Variants in IL22 observed in about 807,000 individuals in gnomAD.
IL22 encodes the protein interleukin 22.
Under a neutral mutation model 15.5 loss-of-function variants are expected in IL22, and 15 were observed. That is an observed-to-expected ratio of 0.97 (90% CI 0.65 to 1.49). The LOEUF is 1.49. Among genes scored for constraint, IL22 ranks in the 40% most tolerant of loss-of-function variants. The pLI is 0.00. For synonymous variants in IL22, 91 were observed against 82.0 expected (o/e 1.11, Z -0.60); for missense variants, 225 against 215.4 (o/e 1.04, Z -0.28).
At chr12:68,253,029 G>A (rs1374848555) in intron 2 of IL22, among the ~76,000 whole-genome samples, 200 bp from the exon 3 acceptor site, 1 of 151,052 alleles carries the variant, frequency 6.6e-6, no homozygotes, top group African/African-American at 2.4e-5. Flanking sequence ...CTGAATGGCC[G>A]CTCTTTGGGA....
intron 3 of IL22, 36 bp from the exon 4 acceptor site, chr12:68,252,683 G>A (rs753863096): frequency 2.5e-6 from 4 of 1,613,100 alleles, no homozygotes; most frequent in Non-Finnish European, 2.5e-6. Context: ...GGTCATAAGG[G>A]ATAAGACCTA....
At chr12:68,248,942 G>C in intron 5 of IL22, 66 bp from the exon 6 acceptor site, 1 of 1,280,750 alleles carries the variant, frequency 7.8e-7, no homozygotes, top group South Asian at 1.2e-5. Flanking sequence ...GAACAAATTA[G>C]AAATTGCAAG....
At chr12:68,248,932 G>A in intron 5 of IL22, 56 bp from the exon 6 acceptor site, 2 of 1,384,340 alleles carry the variant, frequency 1.4e-6, no homozygotes, top group Non-Finnish European at 2.0e-6. Flanking sequence ...TTTCTAAAGT[G>A]AACAAATTAG....
In IL22 at chr12:68,253,326, C is replaced by A. The variant is rs1475955578; in HGVS notation, c.123G>T (p.Arg41Ser). The A allele has an allele frequency of 6.2e-7, 1 of 1,613,798 alleles. No individual in the cohort carries two copies. Among genetic ancestry groups the A allele is most frequent in the South Asian group, 1.1e-5 (1 of 91,044 alleles). ...GCTGCTGGAAGTTGGACTTGTCAAGCCTGCAGTGGGAGCTGATGGGCGCAG... is the reference window on the plus strand; with the variant it reads ...GCTGCTGGAAGTTGGACTTGTCAAGACTGCAGTGGGAGCTGATGGGCGCAG... Reference protein sequence around the residue: ...GAAAPISSHCRLDKSNFQQPY... With the variant: ...GAAAPISSHCSLDKSNFQQPY... The change falls in exon 2 of 6, where the codon AGG becomes AGT. Residue 41 changes from arginine (R) to serine (S), a missense_variant. Coordinates refer to ENST00000538666, the MANE Select transcript of IL22 (RefSeq NM_020525.5).
Position 68,252,898 on chromosome 12 carries a change from G to T in IL22, c.187-69C>A, listed in dbSNP as rs924379733. On this transcript the variant is annotated intron_variant, in intron 2 of 5. Transcript: ENST00000538666. ...AGAAAAAAAATTTATACATAGACATGTGCCCCATCCCGTCTCCCCAGAGCA... is the reference window on the plus strand; with the variant it reads ...AGAAAAAAAATTTATACATAGACATTTGCCCCATCCCGTCTCCCCAGAGCA... 8.3e-6 allele frequency: 10 copies of T among 1,206,914 alleles called. No individual in the cohort carries two copies. In the African/African-American group the frequency reaches 1.5e-4, roughly 18 times the overall value. 74.8% of individuals were successfully genotyped at this position (1,206,914 alleles called of 1,614,324 possible). A position where few individuals can be genotyped will look rare whatever the true frequency, so the allele number is the denominator to read the frequency against.
intron 4 of IL22, 64 bp from the exon 5 acceptor site, chr12:68,251,642 C>G: frequency 8.6e-7 from 1 of 1,163,940 alleles, no homozygotes; most frequent in East Asian, 2.3e-5. Context: ...ACCTCCACAC[C>G]CATGGAGGTA....
chr12:68,251,884 C>G (rs1201999060), intron 4 of IL22, among the ~76,000 whole-genome samples: 1 of 152,194 alleles, frequency 6.6e-6, no homozygotes, highest in East Asian at 1.9e-4. Flanking sequence ...TCAATCGTAT[C>G]TCCAGAAAAT....
intron 5 of IL22, among the ~76,000 whole-genome samples, chr12:68,251,036 T>A (rs1426851271): frequency 6.6e-6 from 1 of 152,214 alleles, no homozygotes. Flanking sequence ...TTCTTCCAAG[T>A]TTCAAAGCAA....
rs994219995 is a variant in IL22, at chr12:68,253,302, C to A, written c.147G>T (p.Gln49His). Residue 49 changes from glutamine (Q) to histidine (H), a missense_variant, in exon 2 of 6, where the codon CAG becomes CAT. Gln to His is a conservative substitution (Grantham distance 24, BLOSUM62 0). Coordinates refer to ENST00000538666, the MANE Select transcript of IL22 (RefSeq NM_020525.5). ...TGAAGGTGCGGTTGGTGATATAGGG[C>A]TGCTGGAAGTTGGACTTGTCAAGCC... ...HCRLDKSNFQ[Q>H]PYITNRTFML... is the part of the protein sequence containing the mutation. 1.2e-6 allele frequency: 2 copies of A among 1,613,698 alleles called. No homozygotes were observed. Among genetic ancestry groups the A allele is most frequent in the Admixed American group, 1.7e-5 (1 of 59,984 alleles).
intron 5 of IL22, among the ~76,000 whole-genome samples, chr12:68,251,291 A>G (rs1324358778): frequency 6.6e-6 from 1 of 152,170 alleles, no homozygotes; most frequent in East Asian, 1.9e-4. Flanking sequence ...GTGACTAGAC[A>G]AGCTAAGATC....
intron 4 of IL22, among the ~76,000 whole-genome samples, chr12:68,251,908 C>T (rs752480763): frequency 2.6e-5 from 4 of 152,178 alleles, no homozygotes; most frequent in Non-Finnish European, 5.9e-5. Context: ...ATGCTTAGAA[C>T]AAGAAATGTA....
intron 1 of IL22, 22 bp downstream of exon 1, chr12:68,253,561 C>T (rs1870017422): frequency 1.5e-5 from 12 of 776,674 alleles, no homozygotes; most frequent in Non-Finnish European, 2.4e-5. Context: ...ACCAATTGTA[C>T]CAAGTTTGCC....
At position 68,253,342 on chromosome 12, in the gene IL22, A is replaced by T; in HGVS notation, c.107T>A (p.Ile36Asn). ...CTTGTCAAGCCTGCAGTGGGAGCTG[A>T]TGGGCGCAGCTGCTCCTCCCTGTAC... ...LLVQGGAAAP[I>N]SSHCRLDKSN... Residue 36 changes from isoleucine to asparagine, a missense_variant, in exon 2 of 6, where the codon ATC (isoleucine) becomes AAC (asparagine). Physicochemically the swap from Ile to Asn is moderately radical, Grantham distance 149. Coordinates refer to ENST00000538666, the MANE Select transcript of IL22 (RefSeq NM_020525.5). The T allele has an allele frequency of 1.2e-6, 2 of 1,613,796 alleles. No individual in the cohort carries two copies. The highest frequency in any genetic ancestry group is 2.2e-5 in the South Asian group (2 of 91,054).
At chr12:68,251,371 C>G in intron 5 of IL22, 142 bp downstream of exon 5, 1 of 665,096 alleles carries the variant, frequency 1.5e-6, no homozygotes, top group Non-Finnish European at 2.7e-6. Flanking sequence ...GATATATCTA[C>G]ATACACAGAC....
chr12:68,249,546 T>C (rs1234239602), intron 5 of IL22, among the ~76,000 whole-genome samples: 2 of 152,218 alleles, frequency 1.3e-5, no homozygotes, highest in Admixed American at 1.3e-4. Flanking sequence ...CTTTTTCTAT[T>C]TCCACCTTTT....
At chr12:68,251,685 T>C (rs1297148530) in intron 4 of IL22, 107 bp from the exon 5 acceptor site, 3 of 852,228 alleles carry the variant, frequency 3.5e-6, no homozygotes, top group South Asian at 1.6e-5. Flanking sequence ...AAGCTCTTAG[T>C]AATTTTGCCC....
rs1022018858 is a variant in IL22 at position 68,252,521 on chromosome 12, T to C, written c.379A>G (p.Asn127Asp). 2.5e-6 allele frequency: 4 copies of C among 1,613,860 alleles called. No individual in the cohort carries two copies. Among genetic ancestry groups the C allele is most frequent in the East Asian group, 2.2e-5 (1 of 44,882 alleles). ...GAACTTACACATGTGCTTAGCCTGT[T>C]GCTGAGCCTGGCCAGGAAGGGCACC... ...EVVPFLARLSNRLSTCHIEGD... is the reference protein window; with the variant it reads ...EVVPFLARLSDRLSTCHIEGD... The change falls in exon 4 of 6, where the codon AAC becomes GAC. Residue 127 changes from asparagine (N) to aspartate (D), a missense_variant. By Grantham distance (23) the Asn-to-Asp change is conservative. Transcript: ENST00000538666.
Position 68,253,274 on chromosome 12 carries a change from G to A in IL22, c.175C>T (p.Leu59=), listed in dbSNP as rs747888813. 1.9e-6 allele frequency: 3 copies of A among 1,613,084 alleles called. No homozygotes were observed. Among genetic ancestry groups the A allele is most frequent in the Non-Finnish European group, 2.5e-6 (3 of 1,179,450 alleles). ...ATTGAGATGTATACCTCCTTAGCCA[G>A]CATGAAGGTGCGGTTGGTGATATAG... ...QPYITNRTFM[L]AKEASLADNN... The change falls in exon 2 of 6, where the codon CTG becomes TTG. Residue 59 remains leucine (L), a synonymous_variant. Transcript: ENST00000538666.
At chr12:68,252,244 C>G (rs538978662) in intron 4 of IL22, among the ~76,000 whole-genome samples, 2 of 152,212 alleles carry the variant, frequency 1.3e-5, no homozygotes, top group South Asian at 4.2e-4. Flanking sequence ...CCTGAGTTGC[C>G]TTTTTTCCGA....
Sources: allele counts gnomAD v4.1 joint callset (sites outside exome capture counted in the v4.1 genomes callset), GRCh38; gene constraint gnomAD v4.1.1; transcripts MANE v1.5; gene names NCBI Gene and HGNC (gene_info 2026-07-23, HGNC 2026-07-21).